CNTN5: variants seen among roughly 807,000 people sequenced by gnomAD.
The protein encoded by CNTN5 is contactin 5.
Under a neutral mutation model 129.1 loss-of-function variants are expected in CNTN5, and 77 were observed. The ratio of observed to expected loss-of-function variants is 0.60; its 90% confidence interval spans 0.50 to 0.72. CNTN5 has a LOEUF of 0.72. Among genes scored for constraint, CNTN5 ranks in the 30% least tolerant of loss-of-function variants. The pLI is 0.00. For missense variants in CNTN5, 1,478 were observed against 1,328.8 expected, an observed-to-expected ratio of 1.11 and a Z score of -1.75; for synonymous variants, 509 against 465.6, an observed-to-expected ratio of 1.09 and a Z score of -1.20.
chr11:99,852,038 T>C (rs2135727915), intron 6 of CNTN5, among the ~76,000 whole-genome samples: 1 of 152,344 alleles, frequency 6.6e-6, no homozygotes, highest in East Asian at 1.9e-4. Context: ...TATTAAATCA[T>C]TTGAATATTA....
At chr11:99,248,714 A>C (rs1861946586) in intron 1 of CNTN5, among the ~76,000 whole-genome samples, 1 of 152,146 alleles carries the variant, frequency 6.6e-6, no homozygotes, top group African/African-American at 2.4e-5. Flanking sequence ...CCATGTATTA[A>C]ATAGGGAATC....
At chr11:100,181,272 G>T (rs1948131488) in intron 13 of CNTN5, among the ~76,000 whole-genome samples, 1 of 150,208 alleles carries the variant, frequency 6.7e-6, no homozygotes, top group Non-Finnish European at 1.5e-5. Flanking sequence ...TGAGCCTCCA[G>T]GCAGGAAAGT....
At chr11:99,797,041 C>G (rs1321740471) in intron 3 of CNTN5, among the ~76,000 whole-genome samples, 1 of 152,026 alleles carries the variant, frequency 6.6e-6, no homozygotes, top group Non-Finnish European at 1.5e-5. Context: ...CCCATGTCCT[C>G]CCTCTTCTGC....
intron 21 of CNTN5, among the ~76,000 whole-genome samples, chr11:100,324,241 G>C (rs1951749066): frequency 6.6e-6 from 1 of 152,084 alleles, no homozygotes; most frequent in African/African-American, 2.4e-5. Context: ...GGAGTGGGCT[G>C]ATACAAAGTC....
chr11:99,859,025 A>G (rs2135757092), intron 6 of CNTN5, among the ~76,000 whole-genome samples: 1 of 152,286 alleles, frequency 6.6e-6, no homozygotes, highest in East Asian at 1.9e-4. Context: ...CAACTTGCTC[A>G]AAGTAGCATA....
intron 2 of CNTN5, among the ~76,000 whole-genome samples, chr11:99,529,368 T>G (rs1372096590): frequency 6.6e-6 from 1 of 152,228 alleles, no homozygotes; most frequent in Non-Finnish European, 1.5e-5. Context: ...CCTTGTCAAC[T>G]TGGCACCTGT....
rs1359017420 is a variant in CNTN5 at position 99,637,000 on chromosome 11, A to AG, written c.55+80731_55+80732insG. 7.6e-5 allele frequency among the ~76,000 whole-genome samples: 4 copies of AG among 52,356 alleles called. 2 individuals are homozygous for AG. In the Middle Eastern group the frequency reaches 0.043, roughly 557 times the overall value. The allele number at this position is 52,356 out of a possible 152,430, so 34.3% of individuals were successfully genotyped here. On this transcript the variant is annotated intron_variant, in intron 3 of 24. Coordinates refer to ENST00000524871, the MANE Select transcript of CNTN5 (RefSeq NM_014361.4). ...TGCACTCCAGCCTGGTGACAGAGCT[A>AG]ACTTTGTCTCAAAAAAAAAAAAAAA...
At chr11:99,795,562 A>G (rs573307620) in intron 3 of CNTN5, among the ~76,000 whole-genome samples, 7 of 148,456 alleles carry the variant, frequency 4.7e-5, no homozygotes, top group South Asian at 2.2e-4. Flanking sequence ...TGTTCTTTCA[A>G]TCGCTGAAGC....
chr11:100,058,204 A>G (rs1943312616), intron 9 of CNTN5, among the ~76,000 whole-genome samples: 1 of 152,144 alleles, frequency 6.6e-6, no homozygotes, highest in Non-Finnish European at 1.5e-5. Flanking sequence ...GCAGAAATTT[A>G]AACAATACAA....
intron 3 of CNTN5, among the ~76,000 whole-genome samples, chr11:99,713,698 G>A (rs781090980): frequency 2.0e-5 from 3 of 151,790 alleles, no homozygotes; most frequent in Non-Finnish European, 4.4e-5. Context: ...ATACATTTTC[G>A]GAACTAGGAA....
At chr11:100,295,678 C>G (rs993120121) in intron 18 of CNTN5, among the ~76,000 whole-genome samples, 6 of 149,628 alleles carry the variant, frequency 4.0e-5, no homozygotes, top group Non-Finnish European at 9.0e-5. Flanking sequence ...TCTGAGCATC[C>G]TTTTTTTTTA....
At chr11:99,415,176 G>C (rs1480432550) in intron 2 of CNTN5, among the ~76,000 whole-genome samples, 1 of 152,132 alleles carries the variant, frequency 6.6e-6, no homozygotes, top group Non-Finnish European at 1.5e-5. Flanking sequence ...CAGGAGCAAA[G>C]CACAACAGAT....
chr11:100,125,287 A>G (rs1267424178), intron 13 of CNTN5, among the ~76,000 whole-genome samples: 3 of 152,016 alleles, frequency 2.0e-5, no homozygotes, highest in Admixed American at 6.6e-5. Context: ...CAGGTACTGA[A>G]TATAATACCC....
chr11:99,566,119 G>A (rs1948997966), intron 3 of CNTN5, among the ~76,000 whole-genome samples: 1 of 152,110 alleles, frequency 6.6e-6, no homozygotes, highest in South Asian at 2.1e-4. Context: ...GAGGTCTTTG[G>A]ATCATGGGAG....
At chr11:99,404,084 T>C (rs1318904930) in intron 2 of CNTN5, among the ~76,000 whole-genome samples, 1 of 152,144 alleles carries the variant, frequency 6.6e-6, no homozygotes, top group African/African-American at 2.4e-5. Flanking sequence ...TCTTGCTGAA[T>C]TGATCCCTTA....
At chr11:100,070,278 T>C in intron 10 of CNTN5, 146 bp from the exon 11 acceptor site, 1 of 661,752 alleles carries the variant, frequency 1.5e-6, no homozygotes, top group East Asian at 2.9e-5. Flanking sequence ...ATTTTGTGTG[T>C]AACGCAATGC....
chr11:99,515,950 A>G (rs1445873995), intron 2 of CNTN5, among the ~76,000 whole-genome samples: 5 of 49,500 alleles, frequency 1.0e-4, no homozygotes, highest in East Asian at 4.3e-3. Flanking sequence ...TAATTTTATG[A>G]AAAAAAAAAA....
At chr11:99,874,726 C>T (rs1256881200) in intron 6 of CNTN5, among the ~76,000 whole-genome samples, 1 of 152,086 alleles carries the variant, frequency 6.6e-6, no homozygotes, top group Non-Finnish European at 1.5e-5. Flanking sequence ...AGTTCCAAGT[C>T]AACAAATTGA....
intron 16 of CNTN5, among the ~76,000 whole-genome samples, chr11:100,237,128 G>T (rs556279594): frequency 8.7e-5 from 13 of 148,950 alleles, no homozygotes; most frequent in Middle Eastern, 3.3e-3. Flanking sequence ...GGCAGAGCTT[G>T]CAGTGAGCCG....
Sources: gnomAD v4.1 joint callset for allele counts (sites outside exome capture counted in the v4.1 genomes callset) on GRCh38, gnomAD v4.1.1 for gene constraint, MANE v1.5 for transcripts, NCBI Gene and HGNC (gene_info 2026-07-23, HGNC 2026-07-21) for gene names.